The following LRRC4C variants were observed in gnomAD, a reference collection of about 807,000 sequenced individuals.
The protein encoded by LRRC4C is leucine rich repeat containing 4C, also known as leucine-rich repeat-containing protein 4C.
Under a neutral mutation model 33.6 loss-of-function variants are expected in LRRC4C, and 5 were observed. The observed-to-expected ratio is 0.15, with a 90% CI of 0.08 to 0.31. LRRC4C has a LOEUF of 0.31. Among genes scored for constraint, LRRC4C ranks in the 10% least tolerant of loss-of-function variants. The pLI is 1.00. For missense variants in LRRC4C, 560 were observed against 796.7 expected (o/e 0.70, Z 3.58); for synonymous variants, 329 against 302.0 (o/e 1.09, Z -0.93).
chr11:41,197,243 A>C (rs1565471478), intron 1 of LRRC4C, among the ~76,000 whole-genome samples: 1 of 152,002 alleles, frequency 6.6e-6, no homozygotes, highest in Non-Finnish European at 1.5e-5. Flanking sequence ...AATAAGACAC[A>C]CTATTTTAGA....
At chr11:41,122,695 G>A (rs2135775649) in intron 1 of LRRC4C, among the ~76,000 whole-genome samples, 1 of 152,016 alleles carries the variant, frequency 6.6e-6, no homozygotes, top group Non-Finnish European at 1.5e-5. Context: ...TTTTTCAGGT[G>A]TCTTTATTGT....
intron 3 of LRRC4C, among the ~76,000 whole-genome samples, chr11:40,579,040 G>C (rs941440146): frequency 5.3e-5 from 8 of 152,118 alleles, no homozygotes; most frequent in Non-Finnish European, 7.4e-5. Flanking sequence ...TCAGGTAATA[G>C]AAAGTACAAT....
intron 2 of LRRC4C, among the ~76,000 whole-genome samples, chr11:40,678,415 C>T (rs1944517078): frequency 6.6e-6 from 1 of 151,988 alleles, no homozygotes; most frequent in Non-Finnish European, 1.5e-5. Context: ...ATTGTTATTT[C>T]CTTGGTATAT....
At chr11:40,382,443 T>C (rs1229886991) in intron 3 of LRRC4C, among the ~76,000 whole-genome samples, 2 of 151,784 alleles carry the variant, frequency 1.3e-5, no homozygotes, top group African/African-American at 4.8e-5. Flanking sequence ...GAGATAAGTG[T>C]ATACTACCCT....
intron 3 of LRRC4C, among the ~76,000 whole-genome samples, chr11:40,407,704 C>T (rs1950010472): frequency 6.6e-6 from 1 of 152,092 alleles, no homozygotes; most frequent in South Asian, 2.1e-4. Context: ...GCTTGACATA[C>T]TTTTGTATTT....
chr11:41,419,510 G>C (rs567193115), intron 1 of LRRC4C, among the ~76,000 whole-genome samples: 1 of 151,976 alleles, frequency 6.6e-6, no homozygotes, highest in East Asian at 1.9e-4. Flanking sequence ...TAAGACACCA[G>C]ACAAATGGCC....
At chr11:40,244,492 A>G (rs1866172222) in intron 4 of LRRC4C, among the ~76,000 whole-genome samples, 1 of 152,170 alleles carries the variant, frequency 6.6e-6, no homozygotes, top group Non-Finnish European at 1.5e-5. Flanking sequence ...TTTCGCCACA[A>G]ACCATTGTCT....
chr11:40,404,282 A>G, intron 3 of LRRC4C, among the ~76,000 whole-genome samples: 1 of 152,318 alleles, frequency 6.6e-6, no homozygotes, highest in East Asian at 1.9e-4. Flanking sequence ...GGCTGAGACC[A>G]GCAGGAGGCA....
chr11:41,188,964 T>C (rs1451428842), intron 1 of LRRC4C, among the ~76,000 whole-genome samples: 1 of 147,554 alleles, frequency 6.8e-6, no homozygotes, highest in African/African-American at 2.5e-5. Flanking sequence ...AAATGATTCT[T>C]ATTAAATAAA....
At chr11:40,522,494 G>C (rs1289968299) in intron 3 of LRRC4C, among the ~76,000 whole-genome samples, 1 of 152,170 alleles carries the variant, frequency 6.6e-6, no homozygotes, top group Admixed American at 6.5e-5. Context: ...TACGGTTCCT[G>C]TGGTAGTTAA....
intron 4 of LRRC4C, among the ~76,000 whole-genome samples, chr11:40,283,800 G>C (rs1007788071): frequency 1.5e-5 from 2 of 137,788 alleles, no homozygotes; most frequent in African/African-American, 5.5e-5. Flanking sequence ...TGCCTCCTGG[G>C]TTCAAGAGAT....
At chr11:40,553,301 G>A (rs72885184) in intron 3 of LRRC4C, among the ~76,000 whole-genome samples, 4,597 of 147,726 alleles carry the variant, frequency 0.031, 175 homozygotes, top group African/African-American at 0.096. Flanking sequence ...CAAAAAAAGT[G>A]GATCAGAAGC....
intron 1 of LRRC4C, among the ~76,000 whole-genome samples, chr11:41,311,038 G>A (rs1021876978): frequency 4.6e-5 from 7 of 152,056 alleles, no homozygotes; most frequent in South Asian, 2.1e-4. Flanking sequence ...CATTTGATTC[G>A]CATCTATTCT....
intron 3 of LRRC4C, among the ~76,000 whole-genome samples, chr11:40,371,929 C>T (rs898004613): frequency 9.2e-5 from 14 of 152,058 alleles, no homozygotes; most frequent in East Asian, 1.9e-4. Flanking sequence ...AGGGCAGGAG[C>T]GGCTATGGGA....
chr11:41,367,442 C>T (rs189885353), intron 1 of LRRC4C, among the ~76,000 whole-genome samples: 31 of 152,140 alleles, frequency 2.0e-4, no homozygotes, highest in African/African-American at 7.5e-4. Context: ...ATTCTGACAC[C>T]GACCATCAAA....
chr11:40,447,542 T>A (rs1590766384), intron 3 of LRRC4C, among the ~76,000 whole-genome samples: 1 of 152,166 alleles, frequency 6.6e-6, no homozygotes, highest in East Asian at 1.9e-4. Context: ...TTGTATTTTA[T>A]TAAGACAATA....
At chr11:40,156,858 T>C (rs995169505) in intron 5 of LRRC4C, among the ~76,000 whole-genome samples, 4 of 151,964 alleles carry the variant, frequency 2.6e-5, no homozygotes, top group Admixed American at 2.6e-4. Flanking sequence ...ATCTACAAAT[T>C]CAACACAATT....
chr11:40,643,086 G>A (rs1174652438), intron 3 of LRRC4C, among the ~76,000 whole-genome samples: 1 of 152,144 alleles, frequency 6.6e-6, no homozygotes, highest in Non-Finnish European at 1.5e-5. Context: ...TAATGACATG[G>A]TGGTGAGTTC....
At chr11:41,097,563 C>T (rs1030951425) in intron 1 of LRRC4C, among the ~76,000 whole-genome samples, 2 of 151,950 alleles carry the variant, frequency 1.3e-5, no homozygotes, top group African/African-American at 2.4e-5. Context: ...TATGGAGAAA[C>T]CATTGAAGAA....
Sources: gnomAD v4.1 joint callset for allele counts (sites outside exome capture counted in the v4.1 genomes callset) on GRCh38, gnomAD v4.1.1 for gene constraint, MANE v1.5 for transcripts, NCBI Gene and HGNC (gene_info 2026-07-23, HGNC 2026-07-21) for gene names.